The following ADGRV1 variants were observed in gnomAD, a reference collection of about 807,000 sequenced individuals.
The protein encoded by ADGRV1 is adhesion G protein-coupled receptor V1.
Under a neutral mutation model 596.2 loss-of-function variants are expected in ADGRV1, and 359 were observed. The ratio of observed to expected loss-of-function variants is 0.60; its 90% confidence interval spans 0.55 to 0.66. The LOEUF (loss-of-function observed/expected upper bound fraction) is 0.66, where lower values mean the gene tolerates loss of function less well. Ranked by LOEUF, ADGRV1 falls within the 30% of genes least tolerant of loss-of-function variation. ADGRV1 has a pLI of 0.00. For synonymous variants in ADGRV1, 2,681 were observed against 2,679.2 expected, an observed-to-expected ratio of 1.00 and a Z score of -0.02; for missense variants, 7,274 against 7,575.6, an observed-to-expected ratio of 0.96 and a Z score of 1.48.
intron 77 of ADGRV1, among the ~76,000 whole-genome samples, chr5:90,837,409 C>T (rs1338461411): frequency 2.1e-5 from 3 of 143,490 alleles, no homozygotes; most frequent in Non-Finnish European, 3.0e-5. Context: ...CTTGCCCTGT[C>T]GCCCTGGCTG....
intron 87 of ADGRV1, among the ~76,000 whole-genome samples, chr5:91,132,030 T>C (rs1794261074): frequency 1.3e-5 from 2 of 152,188 alleles, no homozygotes; most frequent in Non-Finnish European, 2.9e-5. Flanking sequence ...CCAATTTTCC[T>C]AGCACCATTT....
intron 84 of ADGRV1, among the ~76,000 whole-genome samples, chr5:90,979,615 G>C (rs930053076): frequency 6.6e-6 from 1 of 152,124 alleles, no homozygotes; most frequent in Non-Finnish European, 1.5e-5. Context: ...TTCCTTATAA[G>C]AGGGCATGGT....
intron 69 of ADGRV1, among the ~76,000 whole-genome samples, chr5:90,790,595 T>C (rs1259377776): frequency 1.3e-5 from 2 of 152,210 alleles, no homozygotes; most frequent in African/African-American, 4.8e-5. Context: ...ACTGGAATTT[T>C]TAAGGTAGCT....
chr5:90,596,148 G>A (rs1291687912), intron 1 of ADGRV1, among the ~76,000 whole-genome samples: 1 of 148,288 alleles, frequency 6.7e-6, no homozygotes, highest in Non-Finnish European at 1.5e-5. Context: ...TCACATCCCA[G>A]ACAGGGCGGC....
At chr5:90,732,799 T>C (rs565892156) in intron 50 of ADGRV1, among the ~76,000 whole-genome samples, 53 of 152,222 alleles carry the variant, frequency 3.5e-4, no homozygotes, top group Admixed American at 7.9e-4. Flanking sequence ...TGTACACTCA[T>C]GAAAGAATGA....
intron 85 of ADGRV1, among the ~76,000 whole-genome samples, chr5:91,021,471 A>G (rs974163564): frequency 6.6e-6 from 1 of 152,134 alleles, no homozygotes; most frequent in Non-Finnish European, 1.5e-5. Flanking sequence ...TTTTATTTAT[A>G]TTAGGTGGGG....
intron 85 of ADGRV1, among the ~76,000 whole-genome samples, chr5:91,060,396 A>ATTTTTTTTTTTTT: frequency 3.7e-5 from 1 of 27,204 alleles, no homozygotes; most frequent in African/African-American, 8.7e-5. Context: ...ATATATATAT[A>ATTTTTTTTTTTTT]TATTTTTTTT....
At chr5:90,625,108 G>A (rs2149368853) in intron 5 of ADGRV1, 22 bp from the exon 6 acceptor site, 2 of 1,416,094 alleles carry the variant, frequency 1.4e-6, no homozygotes, top group East Asian at 2.3e-5. Context: ...ATTTATTGAT[G>A]GCATTTTGTG....
At chr5:90,579,045 CA>C (rs1561319641) in intron 1 of ADGRV1, among the ~76,000 whole-genome samples, 1 of 152,036 alleles carries the variant, frequency 6.6e-6, no homozygotes, top group Non-Finnish European at 1.5e-5. Context: ...TTGATCTTTT[CA>C]AAAAACCAGC....
At chr5:90,567,593 T>C (rs1163764923) in intron 1 of ADGRV1, among the ~76,000 whole-genome samples, 1 of 152,194 alleles carries the variant, frequency 6.6e-6, no homozygotes, top group Non-Finnish European at 1.5e-5. Flanking sequence ...TTTGTTGGCA[T>C]GTAATTGTTC....
chr5:91,038,595 C>T (rs908644486), intron 85 of ADGRV1, among the ~76,000 whole-genome samples: 7 of 152,208 alleles, frequency 4.6e-5, no homozygotes, highest in Admixed American at 3.9e-4. Context: ...GGATGATTCT[C>T]AGATTTCTGG....
chr5:90,795,313 G>T (rs1760572397), intron 70 of ADGRV1, among the ~76,000 whole-genome samples: 1 of 152,096 alleles, frequency 6.6e-6, no homozygotes, highest in Non-Finnish European at 1.5e-5. Context: ...CAGCTTGGTT[G>T]GGGGAGGAGC....
intron 77 of ADGRV1, among the ~76,000 whole-genome samples, chr5:90,834,762 T>G (rs1460698507): frequency 6.6e-6 from 1 of 151,972 alleles, no homozygotes; most frequent in Admixed American, 6.6e-5. Flanking sequence ...TACATCCCCT[T>G]TAAGGCCAAT....
At chr5:90,713,798 G>A (rs1049659132) in intron 42 of ADGRV1, among the ~76,000 whole-genome samples, 1 of 152,078 alleles carries the variant, frequency 6.6e-6, no homozygotes. Context: ...AATTACATAG[G>A]TGACATGCCC....
At chr5:90,618,624 C>A (rs1380922870) in intron 3 of ADGRV1, among the ~76,000 whole-genome samples, 4 of 152,038 alleles carry the variant, frequency 2.6e-5, no homozygotes, top group Non-Finnish European at 5.9e-5. Context: ...TTACAGAAAA[C>A]TCTCCATTTT....
chr5:91,049,300 G>A (rs952487006), intron 85 of ADGRV1, among the ~76,000 whole-genome samples: 1 of 152,100 alleles, frequency 6.6e-6, no homozygotes, highest in African/African-American at 2.4e-5. Context: ...TCACATGTTT[G>A]TTTATGGATT....
At chr5:90,840,086 C>A (rs757376699) in intron 77 of ADGRV1, among the ~76,000 whole-genome samples, 3 of 152,114 alleles carry the variant, frequency 2.0e-5, no homozygotes, top group Non-Finnish European at 4.4e-5. Flanking sequence ...TGTCCAGGAC[C>A]CTACTCCTTA....
chr5:90,953,924 G>A (rs988916050), intron 83 of ADGRV1, among the ~76,000 whole-genome samples: 3 of 151,826 alleles, frequency 2.0e-5, no homozygotes, highest in African/African-American at 7.3e-5. Context: ...AAAACCTGTA[G>A]GCATGTGTTT....
intron 70 of ADGRV1, among the ~76,000 whole-genome samples, chr5:90,800,173 T>G (rs1761202192): frequency 6.6e-6 from 1 of 152,120 alleles, no homozygotes; most frequent in Admixed American, 6.5e-5. Context: ...TTTTGCAATC[T>G]ATCCATCTGA....
Sources: gnomAD v4.1 joint callset for allele counts (sites outside exome capture counted in the v4.1 genomes callset) on GRCh38, gnomAD v4.1.1 for gene constraint, MANE v1.5 for transcripts, NCBI Gene and HGNC (gene_info 2026-07-23, HGNC 2026-07-21) for gene names.